DAD1: variants seen among roughly 807,000 people sequenced by gnomAD.
DAD1 encodes dolichyl-diphosphooligosaccharide--protein glycosyltransferase subunit DAD1.
A neutral mutation model predicts 9.0 loss-of-function variants in DAD1; 4 were observed. The ratio of observed to expected loss-of-function variants is 0.44; its 90% CI spans 0.22 to 1.01. The LOEUF (loss-of-function observed/expected upper bound fraction) is 1.01, where lower values mean the gene tolerates loss of function less well. Among genes scored for constraint, DAD1 ranks in the 50% least tolerant of loss-of-function variants. The pLI, the probability that DAD1 is intolerant of heterozygous loss-of-function variation, is 0.24. For synonymous variants in DAD1, 60 were observed against 62.5 expected (o/e 0.96, Z 0.19); for missense variants, 119 against 137.3 (o/e 0.87, Z 0.67).
intron 2 of DAD1, among the ~76,000 whole-genome samples, chr14:22,565,434 T>G (rs2036996339): frequency 6.7e-6 from 1 of 149,552 alleles, no homozygotes; most frequent in African/African-American, 2.6e-5. Context: ...GCCGCAAGAC[T>G]TCACATAAGT....
At chr14:22,578,608 C>T (rs190573014) in intron 1 of DAD1, among the ~76,000 whole-genome samples, 85 of 152,222 alleles carry the variant, frequency 5.6e-4, no homozygotes, top group Non-Finnish European at 9.7e-4. Flanking sequence ...ATTCCATGTA[C>T]AAAAAGCTTA....
At chr14:22,584,031 G>A (rs1275442388) in intron 1 of DAD1, among the ~76,000 whole-genome samples, 1 of 152,104 alleles carries the variant, frequency 6.6e-6, no homozygotes, top group Non-Finnish European at 1.5e-5. Flanking sequence ...GATGCACATT[G>A]TGTTCCCATT....
At chr14:22,588,678 G>A (rs1038910190) in intron 1 of DAD1, among the ~76,000 whole-genome samples, 1 of 152,184 alleles carries the variant, frequency 6.6e-6, no homozygotes, top group African/African-American at 2.4e-5. Flanking sequence ...GTTTTCCCCG[G>A]ACCAATATTA....
At chr14:22,578,561 TCAAAA>T (rs2037094313) in intron 1 of DAD1, among the ~76,000 whole-genome samples, 1 of 152,200 alleles carries the variant, frequency 6.6e-6, no homozygotes, top group African/African-American at 2.4e-5. Flanking sequence ...AGACTCCGTC[TCAAAA>T]CAAAACAAAA....
chr14:22,582,638 CA>C, intron 1 of DAD1, among the ~76,000 whole-genome samples: 1 of 152,148 alleles, frequency 6.6e-6, no homozygotes, highest in East Asian at 1.9e-4. Context: ...TTGGAGAAGA[CA>C]GAGCTTGCTG....
chr14:22,573,539 T>C (rs1378094926), intron 2 of DAD1, among the ~76,000 whole-genome samples: 1 of 151,480 alleles, frequency 6.6e-6, no homozygotes, highest in Non-Finnish European at 1.5e-5. Context: ...TGAAACTCCG[T>C]CTCTACTAAA....
At position 22,588,736 on chromosome 14, in the gene DAD1, T is replaced by C. The variant is rs1185775969; in HGVS notation, c.211+211A>G. ...AGTAGCGGCACGAAGGTGGTTTCTT[T>C]AGACTTTTAAGTCCAACTCCTACGG... is the stretch of plus-strand genomic sequence containing the variant. On this transcript the variant is annotated intron_variant, in intron 1 of 2. Coordinates refer to ENST00000250498, the MANE Select transcript of DAD1 (RefSeq NM_001344.4). Among the ~76,000 whole-genome samples the C allele has an allele frequency of 1.3e-5, 2 of 152,350 alleles. 1 individual carries two copies. The highest frequency in any genetic ancestry group is 4.1e-4 in the South Asian group (2 of 4,830).
intron 2 of DAD1, among the ~76,000 whole-genome samples, chr14:22,573,653 T>C (rs547395146): frequency 1.5e-5 from 2 of 135,292 alleles, no homozygotes; most frequent in East Asian, 4.3e-4. Context: ...GAGTCTGCAG[T>C]GAGCCGAGAT....
intron 1 of DAD1, among the ~76,000 whole-genome samples, chr14:22,581,743 CAAAAA>C (rs59052046): frequency 6.3e-4 from 23 of 36,734 alleles, no homozygotes; most frequent in Non-Finnish European, 1.0e-3. Flanking sequence ...AACTCCATCT[CAAAAA>C]AAAAAAAAAA....
chr14:22,588,948 C>G lies in DAD1; in HGVS notation c.210G>C (p.Ala70=). Residue 70 remains alanine (A), a splice_region_variant and synonymous_variant, in exon 1 of 3, where the codon GCG becomes GCC. Transcript: ENST00000250498. The stretch of plus-strand genomic sequence containing the variant: ...TATGATCACTTATAGAACCATTACC[C>G]GCTAGGATGAAACTCCCCACACAAG... ...FISCVGSFIL[A]VCLRIQINPQ... 1 of 1,613,940 alleles carries G rather than the reference C, an allele frequency of 6.2e-7. No individual in the cohort carries two copies. The highest frequency in any genetic ancestry group is 8.5e-7 in the Non-Finnish European group (1 of 1,179,944).
chr14:22,577,208 C>A (rs866729683), intron 1 of DAD1, among the ~76,000 whole-genome samples: 1 of 152,102 alleles, frequency 6.6e-6, no homozygotes. Context: ...CTGAACCAGG[C>A]GGATCACCCG....
chr14:22,587,619 T>A (rs560903466), intron 1 of DAD1, among the ~76,000 whole-genome samples: 83 of 152,290 alleles, frequency 5.5e-4, no homozygotes, highest in African/African-American at 1.9e-3. Context: ...AGTACACAAG[T>A]CATTAGATCC....
Position 22,574,498 on chromosome 14 carries a change from T to C in DAD1, c.*44+561A>G, listed in dbSNP as rs538264821. Among the ~76,000 whole-genome samples, 3 of 152,318 alleles carry C rather than the reference T, an allele frequency of 2.0e-5. No individual in the cohort carries two copies. The East Asian group carries it at 5.8e-4, about 29-fold the overall frequency. The stretch of plus-strand genomic sequence containing the variant: ...GAGAAGGGAGAAAGAACTCTACTGC[T>C]AAAAAAGTGAAAATGGCAAATGAAC... On this transcript the variant is annotated intron_variant, in intron 2 of 2. Coordinates refer to ENST00000250498, the MANE Select transcript of DAD1 (RefSeq NM_001344.4).
At chr14:22,582,877 G>A (rs1324206934) in intron 1 of DAD1, among the ~76,000 whole-genome samples, 2 of 151,778 alleles carry the variant, frequency 1.3e-5, no homozygotes, top group African/African-American at 2.4e-5. Flanking sequence ...ATGGGGGAGC[G>A]TGCCTGTAAT....
chr14:22,587,620 CATTAG>C (rs557838030), intron 1 of DAD1, among the ~76,000 whole-genome samples: 2 of 152,202 alleles, frequency 1.3e-5, no homozygotes, highest in Non-Finnish European at 2.9e-5. Context: ...GTACACAAGT[CATTAG>C]ATCCTCAGAC....
intron 1 of DAD1, among the ~76,000 whole-genome samples, chr14:22,575,534 C>T (rs187386734): frequency 7.8e-4 from 117 of 149,964 alleles, no homozygotes; most frequent in African/African-American, 2.9e-3. Flanking sequence ...AGTTGGGCAA[C>T]ACAATCAAAA....
chr14:22,577,095 A>G (rs5742783), intron 1 of DAD1, among the ~76,000 whole-genome samples: 18,264 of 152,236 alleles, frequency 0.12, 1,175 homozygotes, highest in South Asian at 0.18. Context: ...GCCATATCAT[A>G]TAATCCAGCA....
chr14:22,565,452 T>C (rs1166564852), intron 2 of DAD1, among the ~76,000 whole-genome samples: 8 of 151,892 alleles, frequency 5.3e-5, no homozygotes, highest in Non-Finnish European at 1.2e-4. Flanking sequence ...AGTCACTGAC[T>C]TCCCTGGCCC....
At chr14:22,582,466 G>C (rs1456869166) in intron 1 of DAD1, among the ~76,000 whole-genome samples, 1 of 151,932 alleles carries the variant, frequency 6.6e-6, no homozygotes, top group African/African-American at 2.4e-5. Context: ...GGAGCTTGCA[G>C]TGAGCCGAAA....
Sources: allele counts gnomAD v4.1 joint callset (sites outside exome capture counted in the v4.1 genomes callset), GRCh38; gene constraint gnomAD v4.1.1; transcripts MANE v1.5; gene names NCBI Gene and HGNC (gene_info 2026-07-23, HGNC 2026-07-21).